The following TMEM151B variants were observed in gnomAD, a reference collection of about 807,000 sequenced individuals.
The protein encoded by TMEM151B is transmembrane protein 151B.
Under a neutral mutation model 33.0 loss-of-function variants are expected in TMEM151B, and 18 were observed. The observed-to-expected ratio is 0.55, with a 90% CI of 0.38 to 0.81. TMEM151B has a LOEUF of 0.81. Ranked by LOEUF, TMEM151B falls within the 30% of genes least tolerant of loss-of-function variation. TMEM151B has a pLI of 0.00. For synonymous variants in TMEM151B, 354 were observed against 373.6 expected (o/e 0.95, Z 0.61); for missense variants, 672 against 843.4 (o/e 0.80, Z 2.52).
chr6:44,271,158 T>TA (rs1422600002), intron 1 of TMEM151B, among the ~76,000 whole-genome samples: 1 of 151,414 alleles, frequency 6.6e-6, no homozygotes, highest in Non-Finnish European at 1.5e-5. Context: ...GAGTGGGGGC[T>TA]ATGCTCTACC....
In TMEM151B at chr6:44,270,546, G is replaced by GC. The variant is rs1782281191; in HGVS notation, c.-191dup. On this transcript the variant is annotated 5_prime_UTR_variant, in exon 1 of 3. Coordinates refer to ENST00000451188, the MANE Select transcript of TMEM151B (RefSeq NM_001137560.2). ...CCCGGCCCCGGCCCCCCCCGGCCCG[G>GC]CCCCCCAGCCTGCCTCCCACCCTCA... 9.1e-6 allele frequency: 1 copy of GC among 109,512 alleles called. No homozygotes were observed. The highest frequency in any genetic ancestry group is 9.5e-5 in the Admixed American group (1 of 10,556). 6.8% of individuals were successfully genotyped at this position (109,512 alleles called of 1,614,324 possible). A position where few individuals can be genotyped will look rare whatever the true frequency, so the allele number is the denominator to read the frequency against.
chr6:44,270,484 G>T lies in TMEM151B; in HGVS notation c.-259G>T, dbSNP rs935134841. The T allele has an allele frequency of 1.2e-5, 2 of 164,006 alleles. No homozygotes were observed. Among genetic ancestry groups the T allele is most frequent in the South Asian group, 1.9e-4 (1 of 5,244 alleles). The allele number at this position is 164,006 out of a possible 1,614,324, so 10.2% of individuals were successfully genotyped here. Reference sequence around the variant, plus strand: ...GCGGCGGCGGGAGCGGGCGGGAGGCGGAGCGGCGCCGCGAGGGCCTCAAGG... The same window carrying T: ...GCGGCGGCGGGAGCGGGCGGGAGGCTGAGCGGCGCCGCGAGGGCCTCAAGG... On this transcript the variant is annotated 5_prime_UTR_variant, in exon 1 of 3. Coordinates refer to ENST00000451188, the MANE Select transcript of TMEM151B (RefSeq NM_001137560.2).
rs1390050329 is a variant in TMEM151B at position 44,275,506 on chromosome 6, C to A, written c.680C>A (p.Ala227Glu). 1 of 1,549,606 alleles carries A rather than the reference C, an allele frequency of 6.5e-7. No homozygotes were observed. The highest frequency in any genetic ancestry group is 1.4e-5 in the African/African-American group (1 of 73,032). Residue 227 changes from alanine (A) to glutamate (E), a missense_variant, in exon 3 of 3, where the codon GCG (alanine) becomes GAG (glutamate). Transcript: ENST00000451188. ...AAGACGCTGGTGGGGCTGGAGGGCGCGCCGGCCACGCGGCTGCGCTTCACC... is the reference window on the plus strand; with the variant it reads ...AAGACGCTGGTGGGGCTGGAGGGCGAGCCGGCCACGCGGCTGCGCTTCACC... The part of the protein sequence containing the change: ...VSKTLVGLEG[A>E]PATRLRFTKC...
intron 1 of TMEM151B, 126 bp downstream of exon 1, chr6:44,271,003 C>A: frequency 1.5e-6 from 1 of 645,992 alleles, no homozygotes; most frequent in Non-Finnish European, 1.9e-6. Context: ...CCGGCCGCTG[C>A]AGCCGCAGTC....
chr6:44,275,531 C>A lies in TMEM151B; in HGVS notation c.705C>A (p.Thr235=). ...EGAPATRLRF[T]KCFSFASVEA... is the part of the protein sequence containing the mutation. ...CGCCGGCCACGCGGCTGCGCTTCAC[C>A]AAGTGCTTCAGTTTCGCCAGCGTGG... Residue 235 remains threonine, a synonymous_variant, in exon 3 of 3, where the codon ACC becomes ACA. Coordinates refer to ENST00000451188, the MANE Select transcript of TMEM151B (RefSeq NM_001137560.2). 1 of 1,550,392 alleles carries A rather than the reference C, an allele frequency of 6.4e-7. No homozygotes were observed. Among genetic ancestry groups the A allele is most frequent in the Non-Finnish European group, 8.7e-7 (1 of 1,146,578 alleles).
chr6:44,275,422 A>G lies in TMEM151B; in HGVS notation c.596A>G (p.Asn199Ser). 2 of 1,531,820 alleles carry G rather than the reference A, an allele frequency of 1.3e-6. No individual in the cohort carries two copies. The highest frequency in any genetic ancestry group is 8.8e-7 in the Non-Finnish European group (1 of 1,133,908). The allele number at this position is 1,531,820 out of a possible 1,614,324, so 94.9% of individuals were successfully genotyped here. A position where few individuals can be genotyped will look rare whatever the true frequency, so the allele number is the denominator to read the frequency against. ...TTTQVYHERV[N>S]THVAEAEFDY... Reference sequence around the variant, plus strand: ...CCGCAGGTCTACCACGAACGCGTCAACACGCACGTGGCGGAGGCTGAGTTC... The same window carrying G: ...CCGCAGGTCTACCACGAACGCGTCAGCACGCACGTGGCGGAGGCTGAGTTC... Residue 199 changes from asparagine (N) to serine (S), a missense_variant, in exon 3 of 3, where the codon AAC (asparagine) becomes AGC (serine). Asn to Ser is a conservative substitution (Grantham distance 46). Around this residue, in one of 3 missense-constraint regions of TMEM151B, gnomAD observed 285 missense variants for 423.1 expected, o/e 0.67. Coordinates refer to ENST00000451188, the MANE Select transcript of TMEM151B (RefSeq NM_001137560.2).
chr6:44,274,517 A>G (rs899969181), intron 2 of TMEM151B, among the ~76,000 whole-genome samples: 3 of 152,200 alleles, frequency 2.0e-5, no homozygotes, highest in African/African-American at 7.2e-5. Context: ...ACGTTCCCAG[A>G]TGCAGGCCAT....
Position 44,276,319 on chromosome 6 carries a change from C to T in TMEM151B, c.1493C>T (p.Ala498Val), listed in dbSNP as rs1019645973. The T allele has an allele frequency of 6.9e-7, 1 of 1,448,502 alleles. No individual in the cohort carries two copies. Among genetic ancestry groups the T allele is most frequent in the South Asian group, 1.3e-5 (1 of 74,914 alleles). 89.7% of individuals were successfully genotyped at this position (1,448,502 alleles called of 1,614,324 possible). ...WRSRSGSVNE[A>V]SCPTEQTRLS... is the part of the protein sequence containing the mutation. ...AGCCGCAGCGGGAGCGTCAACGAGG[C>T]CAGCTGCCCCACGGAGCAGACGCGG... is the stretch of plus-strand genomic sequence containing the variant. The change falls in exon 3 of 3, where the codon GCC (alanine) becomes GTC (valine). Residue 498 changes from alanine (A) to valine (V), a missense_variant. Around this residue, in one of 3 missense-constraint regions of TMEM151B, gnomAD observed 324 missense variants for 363.1 expected, o/e 0.89. Transcript: ENST00000451188.
In TMEM151B at chr6:44,275,697, G is replaced by A. The variant is rs906578878; in HGVS notation, c.871G>A (p.Ala291Thr). ...GTTCATGGTGGCCTTCCCGGACCCG[G>A]CCCGGCCGCCCTGGTACGCCTGCTC... ...REFMVAFPDP[A>T]RPPWYACSSA... is the part of the protein sequence containing the mutation. The change falls in exon 3 of 3, where the codon GCC becomes ACC. Residue 291 changes from alanine (A) to threonine (T), a missense_variant. By Grantham distance (58) the Ala-to-Thr change is moderately conservative. Coordinates refer to ENST00000451188, the MANE Select transcript of TMEM151B (RefSeq NM_001137560.2). The A allele has an allele frequency of 2.6e-6, 4 of 1,550,614 alleles. No individual in the cohort carries two copies. Among genetic ancestry groups the A allele is most frequent in the Non-Finnish European group, 3.5e-6 (4 of 1,146,686 alleles).
chr6:44,278,030 C>G lies in TMEM151B; in HGVS notation c.*1503C>G, dbSNP rs1420957218. ...CCTTGGGCCACCCACATCTCTCACCCCTGATGCTTCTTACTTCGCCTGAGC... is the reference window on the plus strand; with the variant it reads ...CCTTGGGCCACCCACATCTCTCACCGCTGATGCTTCTTACTTCGCCTGAGC... On this transcript the variant is annotated 3_prime_UTR_variant, in exon 3 of 3. Transcript: ENST00000451188. The G allele has an allele frequency of 6.5e-6, 1 of 153,340 alleles. No individual in the cohort carries two copies. The highest frequency in any genetic ancestry group is 2.4e-5 in the African/African-American group (1 of 41,454). The allele number at this position is 153,340 out of a possible 1,614,324, so 9.5% of individuals were successfully genotyped here.
Position 44,273,521 on chromosome 6 carries a change from G to T in TMEM151B, c.576+15G>T. 1 of 1,530,030 alleles carries T rather than the reference G, an allele frequency of 6.5e-7. No homozygotes were observed. 94.8% of individuals were successfully genotyped at this position (1,530,030 alleles called of 1,614,324 possible). On this transcript the variant is annotated intron_variant, in intron 2 of 2. Transcript: ENST00000451188. ...CCACCACCCAGGTGAGGAGCTGGTGGGGAGTGCAGGACATTCAACATGGGA... is the reference window on the plus strand; with the variant it reads ...CCACCACCCAGGTGAGGAGCTGGTGTGGAGTGCAGGACATTCAACATGGGA...
At position 44,278,706 on chromosome 6, in the gene TMEM151B, A is replaced by G. The variant is rs934669456; in HGVS notation, c.*2179A>G. 2.2e-4 allele frequency: 34 copies of G among 152,308 alleles called. 1 individual carries two copies. The highest frequency in any genetic ancestry group is 7.2e-4 in the African/African-American group (30 of 41,558). 9.4% of individuals were successfully genotyped at this position (152,308 alleles called of 1,614,324 possible). On this transcript the variant is annotated 3_prime_UTR_variant, in exon 3 of 3. Coordinates refer to ENST00000451188, the MANE Select transcript of TMEM151B (RefSeq NM_001137560.2). ...TCTCAGACAGCCTCATCTCCCACACATGCACAGACTTAGAGAGAAACCAAT... is the reference window on the plus strand; with the variant it reads ...TCTCAGACAGCCTCATCTCCCACACGTGCACAGACTTAGAGAGAAACCAAT...
Position 44,270,793 on chromosome 6 carries a change from C to CGGCGGT in TMEM151B, c.57_62dup (p.Gly20_Gly21dup). 1 of 1,115,438 alleles carries CGGCGGT rather than the reference C, an allele frequency of 9.0e-7. No homozygotes were observed. The highest frequency in any genetic ancestry group is 1.1e-6 in the Non-Finnish European group (1 of 911,896). 69.1% of individuals were successfully genotyped at this position (1,115,438 alleles called of 1,614,324 possible). A position where few individuals can be genotyped will look rare whatever the true frequency, so the allele number is the denominator to read the frequency against. The stretch of plus-strand genomic sequence containing the variant: ...GAGAGAGCGCCGCCGGCGGCGGCGG[C>CGGCGGT]GGCGGTGGCGGCCCCGGGGTCTCGG... On this transcript the variant is annotated inframe_insertion, in exon 1 of 3. Transcript: ENST00000451188.
Position 44,275,660 on chromosome 6 carries a change from G to A in TMEM151B, c.834G>A (p.Val278=), listed in dbSNP as rs1353577284. 3.2e-6 allele frequency: 5 copies of A among 1,551,124 alleles called. No individual in the cohort carries two copies. The highest frequency in any genetic ancestry group is 2.4e-5 in the East Asian group (1 of 40,916). The change falls in exon 3 of 3, where the codon GTG becomes GTA. Residue 278 remains valine (V), a synonymous_variant. Coordinates refer to ENST00000451188, the MANE Select transcript of TMEM151B (RefSeq NM_001137560.2). Reference sequence around the variant, plus strand: ...GCGAGGGCATGCACCTCAAGAACGTGGACTTCCGTGAGTTCATGGTGGCCT... The same window carrying A: ...GCGAGGGCATGCACCTCAAGAACGTAGACTTCCGTGAGTTCATGGTGGCCT... ...EAREGMHLKN[V]DFREFMVAFP... is the part of the protein sequence containing the mutation.
At position 44,275,891 on chromosome 6, in the gene TMEM151B, G is replaced by A. The variant is rs1419953395; in HGVS notation, c.1065G>A (p.Leu355=). ...GCCTCAGCCCCAGCGATGAGCTGCTGCCCCCGCTCACCCACCGCCTGCCGC... is the reference window on the plus strand; with the variant it reads ...GCCTCAGCCCCAGCGATGAGCTGCTACCCCCGCTCACCCACCGCCTGCCGC... ...GGGLSPSDEL[L]PPLTHRLPRV... is the part of the protein sequence containing the mutation. The change falls in exon 3 of 3, where the codon CTG becomes CTA. Residue 355 remains leucine (L), a synonymous_variant. Coordinates refer to ENST00000451188, the MANE Select transcript of TMEM151B (RefSeq NM_001137560.2). The A allele has an allele frequency of 1.3e-6, 2 of 1,534,354 alleles. No individual in the cohort carries two copies. Among genetic ancestry groups the A allele is most frequent in the African/African-American group, 2.8e-5 (2 of 72,662 alleles).
In TMEM151B at chr6:44,275,746, T is replaced by A; in HGVS notation, c.920T>A (p.Leu307Gln). ...ACSSAFWAAA[L>Q]LTLSWPLRVL... is the part of the protein sequence containing the mutation. Reference sequence around the variant, plus strand: ...TCGTCGGCCTTCTGGGCCGCGGCGCTGCTCACGCTGTCGTGGCCGCTGCGA... The same window carrying A: ...TCGTCGGCCTTCTGGGCCGCGGCGCAGCTCACGCTGTCGTGGCCGCTGCGA... The change falls in exon 3 of 3, where the codon CTG becomes CAG. Residue 307 changes from leucine to glutamine, a missense_variant. Physicochemically the swap from Leu to Gln is moderately radical, Grantham distance 113. Transcript: ENST00000451188. 1 of 1,546,582 alleles carries A rather than the reference T, an allele frequency of 6.5e-7. No homozygotes were observed. The highest frequency in any genetic ancestry group is 8.7e-7 in the Non-Finnish European group (1 of 1,145,258).
In TMEM151B at chr6:44,276,155, G is replaced by T; in HGVS notation, c.1329G>T (p.Ser443=). 1 of 1,314,104 alleles carries T rather than the reference G, an allele frequency of 7.6e-7. No individual in the cohort carries two copies. Among genetic ancestry groups the T allele is most frequent in the East Asian group, 3.1e-5 (1 of 31,870 alleles). The allele number at this position is 1,314,104 out of a possible 1,614,324, so 81.4% of individuals were successfully genotyped here. A position where few individuals can be genotyped will look rare whatever the true frequency, so the allele number is the denominator to read the frequency against. ...CEHCQRAVSS[S]SIFSRSALSI... ...ACTGCCAGCGCGCCGTCAGCAGCTCGTCTATCTTCTCGCGCAGCGCCCTAA... is the reference window on the plus strand; with the variant it reads ...ACTGCCAGCGCGCCGTCAGCAGCTCTTCTATCTTCTCGCGCAGCGCCCTAA... Residue 443 remains serine, a synonymous_variant, in exon 3 of 3, where the codon TCG becomes TCT. Coordinates refer to ENST00000451188, the MANE Select transcript of TMEM151B (RefSeq NM_001137560.2).
At position 44,278,008 on chromosome 6, in the gene TMEM151B, T is replaced by C. The variant is rs147605886; in HGVS notation, c.*1481T>C. ...ATTTCAGGCTAGAGAGGATAACCCT[T>C]GGGCCACCCACATCTCTCACCCCTG... is the stretch of plus-strand genomic sequence containing the variant. On this transcript the variant is annotated 3_prime_UTR_variant, in exon 3 of 3. Transcript: ENST00000451188. 7.4e-3 allele frequency: 1,134 copies of C among 153,068 alleles called. 9 individuals carry two copies. Among genetic ancestry groups the C allele is most frequent in the Middle Eastern group, 0.012 (4 of 332 alleles). The allele number at this position is 153,068 out of a possible 1,614,324, so 9.5% of individuals were successfully genotyped here. A position where few individuals can be genotyped will look rare whatever the true frequency, so the allele number is the denominator to read the frequency against.
At chr6:44,275,380 G>A (rs3734708) in intron 2 of TMEM151B, 23 bp from the exon 3 acceptor site, 68,384 of 1,474,106 alleles carry the variant, frequency 0.046, 2,288 homozygotes, top group East Asian at 0.19. Flanking sequence ...CCGCGACCCC[G>A]CCGCCTGCCC....
Sources: gnomAD v4.1 joint callset for allele counts (sites outside exome capture counted in the v4.1 genomes callset) on GRCh38, gnomAD v4.1.1 for gene constraint, gnomAD v4.1.1 regional missense constraint, MANE v1.5 for transcripts, NCBI Gene and HGNC (gene_info 2026-07-23, HGNC 2026-07-21) for gene names.